Variants in MRPL44 observed in about 807,000 individuals in gnomAD.
MRPL44 encodes the protein mitochondrial ribosomal protein L44, also known as large ribosomal subunit protein mL44.
In MRPL44, 21 loss-of-function variants were observed where a neutral mutation model predicts 25.9. The ratio of observed to expected loss-of-function variants is 0.81; its 90% CI spans 0.58 to 1.17. MRPL44 has a LOEUF of 1.17. MRPL44 is among the 50% of genes most tolerant of loss of function. The pLI, the probability that MRPL44 is intolerant of heterozygous loss-of-function variation, is 0.00. For missense variants in MRPL44, 410 were observed against 398.9 expected, an observed-to-expected ratio of 1.03 and a Z score of -0.24; for synonymous variants, 169 against 151.0, an observed-to-expected ratio of 1.12 and a Z score of -0.87.
At chr2:223,960,956 T>C (rs182016364) in intron 2 of MRPL44, among the ~76,000 whole-genome samples, 4 of 152,386 alleles carry the variant, frequency 2.6e-5, no homozygotes, top group East Asian at 3.9e-4. Context: ...AAAGATCTTA[T>C]GAAACATAGA....
At chr2:223,958,476 CTCT>C (rs1252904890) in intron 1 of MRPL44, among the ~76,000 whole-genome samples, 1 of 152,302 alleles carries the variant, frequency 6.6e-6, no homozygotes, top group Admixed American at 6.5e-5. Context: ...AAAATAAAAT[CTCT>C]TCTTAATTCC....
chr2:223,962,183 T>C (rs1689671310), intron 2 of MRPL44, among the ~76,000 whole-genome samples: 1 of 152,106 alleles, frequency 6.6e-6, no homozygotes, highest in South Asian at 2.1e-4. Flanking sequence ...CAGGCATGTG[T>C]CACTATGCCC....
In MRPL44 at chr2:223,959,640, T is replaced by G. The variant is rs373822930; in HGVS notation, c.286T>G (p.Cys96Gly). The change falls in exon 2 of 4, where the codon TGC becomes GGC. Residue 96 changes from cysteine (C) to glycine (G), a missense_variant. Coordinates refer to ENST00000258383, the MANE Select transcript of MRPL44 (RefSeq NM_022915.5). ...DLLKTAFVNSCYIKSEEAKRQ... is the reference protein window; with the variant it reads ...DLLKTAFVNSGYIKSEEAKRQ... Reference sequence around the variant, plus strand: ...TCTCAAAACTGCATTTGTTAATAGCTGCTATATTAAAAGTGAGGAGGCCAA... The same window carrying G: ...TCTCAAAACTGCATTTGTTAATAGCGGCTATATTAAAAGTGAGGAGGCCAA... The G allele has an allele frequency of 4.3e-6, 7 of 1,614,186 alleles. No individual in the cohort carries two copies. Among genetic ancestry groups the G allele is most frequent in the Non-Finnish European group, 5.1e-6 (6 of 1,180,006 alleles).
At chr2:223,966,812 T>C (rs779576365) in intron 3 of MRPL44, 51 bp from the exon 4 acceptor site, 2 of 1,523,294 alleles carry the variant, frequency 1.3e-6, no homozygotes, top group South Asian at 2.5e-5. Flanking sequence ...CTTTGTGTAC[T>C]GTCTTACAAT....
chr2:223,958,709 A>G (rs1052397324), intron 1 of MRPL44, among the ~76,000 whole-genome samples: 1 of 152,212 alleles, frequency 6.6e-6, no homozygotes, highest in South Asian at 2.1e-4. Flanking sequence ...GAGGATGTGC[A>G]TAGGTTATAT....
At chr2:223,966,321 T>C (rs1287210909) in intron 3 of MRPL44, among the ~76,000 whole-genome samples, 4 of 152,196 alleles carry the variant, frequency 2.6e-5, no homozygotes, top group Admixed American at 2.0e-4. Flanking sequence ...GTTTCTTATT[T>C]GTGTTAAAGT....
rs894073901 is a variant in MRPL44, at chr2:223,966,863, T to G, written c.828T>G (p.Cys276Trp). 3.7e-6 allele frequency: 6 copies of G among 1,611,216 alleles called. No homozygotes were observed. Among genetic ancestry groups the G allele is most frequent in the Middle Eastern group, 1.7e-4 (1 of 6,034 alleles). ...ALPLYFVGLY[C>W]DKKLIAEGPG... ...AGACTACTGTTTGTTCTCTTTCTAGTGATAAAAAGTTGATTGCAGAAGGAC... is the reference window on the plus strand; with the variant it reads ...AGACTACTGTTTGTTCTCTTTCTAGGGATAAAAAGTTGATTGCAGAAGGAC... The change falls in exon 4 of 4, where the codon TGT becomes TGG. Residue 276 changes from cysteine to tryptophan, a missense_variant and splice_region_variant. Physicochemically the swap from Cys to Trp is radical, Grantham distance 215. Transcript: ENST00000258383.
At chr2:223,957,435 C>A, upstream of MRPL44, 7 of 1,612,962 alleles carry the variant, frequency 4.3e-6, no homozygotes, top group Non-Finnish European at 5.9e-6. Flanking sequence ...ACTGGCCCGA[C>A]TACTTTCGTT....
chr2:223,957,403 G>T, upstream of MRPL44: 1 of 1,582,910 alleles, frequency 6.3e-7, no homozygotes, highest in Non-Finnish European at 8.7e-7. Context: ...TCCGGGTTCC[G>T]GGGGAAGTGT....
intron 3 of MRPL44, among the ~76,000 whole-genome samples, chr2:223,966,098 C>T (rs987326109): frequency 1.3e-5 from 2 of 152,016 alleles, no homozygotes; most frequent in African/African-American, 2.4e-5. Context: ...TTGGCGGGTG[C>T]GTTGGCGGGC....
At chr2:223,957,231 G>C (rs1010659952), upstream of MRPL44, among the ~76,000 whole-genome samples, 2 of 152,246 alleles carry the variant, frequency 1.3e-5, no homozygotes, top group East Asian at 3.9e-4. Flanking sequence ...CCTCAAGTCC[G>C]GATCATTGGA....
intron 1 of MRPL44, among the ~76,000 whole-genome samples, chr2:223,957,936 G>C (rs1253447270): frequency 2.0e-5 from 3 of 152,176 alleles, no homozygotes; most frequent in African/African-American, 7.2e-5. Context: ...TCCTTATGTG[G>C]ACTTGGATGT....
In MRPL44 at chr2:223,966,946, T is replaced by C. The variant is rs771023379; in HGVS notation, c.911T>C (p.Leu304Pro). The change falls in exon 4 of 4, where the codon CTT becomes CCT. Residue 304 changes from leucine to proline, a missense_variant. By Grantham distance (98) the Leu-to-Pro change is moderately conservative. Coordinates refer to ENST00000258383, the MANE Select transcript of MRPL44 (RefSeq NM_022915.5). ...EEAARVALRK[L>P]YGFTENRRPW... ...GCTGCTCGAGTGGCCCTTAGAAAAC[T>C]TTATGGATTCACAGAAAATAGACGG... 2.5e-6 allele frequency: 4 copies of C among 1,614,144 alleles called. No individual in the cohort carries two copies. In the South Asian group the frequency reaches 4.4e-5, roughly 18 times the overall value.
upstream of MRPL44, chr2:223,957,338 A>T: frequency 1.8e-6 from 2 of 1,140,718 alleles, no homozygotes; most frequent in Non-Finnish European, 2.5e-6. Flanking sequence ...GCCCTCTCTC[A>T]GTCGCCCCGC....
chr2:223,951,480 T>TTTTTTTTGTTTTG, the MRPL44 span, among the ~76,000 whole-genome samples: 20 of 132,712 alleles, frequency 1.5e-4, no homozygotes, highest in East Asian at 3.4e-3. Context: ...ACCTTGGAGT[T>TTTTTTTTGTTTTG]TTTTTTTTTT....
intron 2 of MRPL44, among the ~76,000 whole-genome samples, chr2:223,960,532 A>G (rs900284266): frequency 6.6e-6 from 1 of 152,216 alleles, no homozygotes; most frequent in Non-Finnish European, 1.5e-5. Context: ...CTGCCATTGG[A>G]TGAAAACATG....
chr2:223,965,013 A>G (rs1689720887), intron 3 of MRPL44, among the ~76,000 whole-genome samples: 2 of 152,140 alleles, frequency 1.3e-5, no homozygotes, highest in Non-Finnish European at 2.9e-5. Context: ...TTTTAATGAG[A>G]TTGGGACATT....
At position 223,962,695 on chromosome 2, in the gene MRPL44, A is replaced by T. The variant is rs190124240; in HGVS notation, c.649-1061A>T. Among the ~76,000 whole-genome samples the T allele has an allele frequency of 6.4e-3, 970 of 152,210 alleles. 19 individuals carry two copies. The highest frequency in any genetic ancestry group is 5.6e-3 in the Non-Finnish European group (383 of 68,004). On this transcript the variant is annotated intron_variant, in intron 2 of 3. Coordinates refer to ENST00000258383, the MANE Select transcript of MRPL44 (RefSeq NM_022915.5). Reference sequence around the variant, plus strand: ...TGTGAAATTATTAAAAGATTTTTTTAAATTATTTTTTATTATTTTTTGAGA... The same window carrying T: ...TGTGAAATTATTAAAAGATTTTTTTTAATTATTTTTTATTATTTTTTGAGA...
At chr2:223,965,542 T>G (rs1309987109) in intron 3 of MRPL44, among the ~76,000 whole-genome samples, 4 of 152,228 alleles carry the variant, frequency 2.6e-5, no homozygotes, top group African/African-American at 9.6e-5. Flanking sequence ...GTCAGAAAAT[T>G]TCCAGGAAGT....
Sources: allele counts gnomAD v4.1 joint callset (sites outside exome capture counted in the v4.1 genomes callset), GRCh38; gene constraint gnomAD v4.1.1; transcripts MANE v1.5; gene names NCBI Gene and HGNC (gene_info 2026-07-23, HGNC 2026-07-21).